CFAP61: variants seen among roughly 807,000 people sequenced by gnomAD.
The protein encoded by CFAP61 is cilia and flagella associated protein 61.
In CFAP61, 107 loss-of-function variants were observed where a neutral mutation model predicts 135.6. The ratio of observed to expected loss-of-function variants is 0.79; its 90% CI spans 0.67 to 0.93. The LOEUF is 0.93. Ranked by LOEUF, CFAP61 falls within the 40% of genes least tolerant of loss-of-function variation. The pLI, the probability that CFAP61 is intolerant of heterozygous loss-of-function variation, is 0.00. For synonymous variants in CFAP61, 575 were observed against 578.5 expected, an observed-to-expected ratio of 0.99 and a Z score of 0.09; for missense variants, 1,507 against 1,556.2, an observed-to-expected ratio of 0.97 and a Z score of 0.53.
chr20:20,232,346 C>CT (rs11087316), intron 18 of CFAP61, among the ~76,000 whole-genome samples: 10,433 of 150,628 alleles, frequency 0.069, 389 homozygotes, highest in Middle Eastern at 0.14. Context: ...TTCCAGAATC[C>CT]TTTTTTTTTA....
chr20:20,280,986 T>C (rs552122103), intron 22 of CFAP61, among the ~76,000 whole-genome samples: 1 of 152,170 alleles, frequency 6.6e-6, no homozygotes, highest in Admixed American at 6.5e-5. Flanking sequence ...TATCTTTTCG[T>C]TTTTTTAGTA....
intron 21 of CFAP61, 33 bp downstream of exon 21, chr20:20,263,163 A>G: frequency 6.6e-7 from 1 of 1,516,592 alleles, no homozygotes; most frequent in Non-Finnish European, 9.0e-7. Context: ...ATCTCTTCAG[A>G]ATAGCGTTTT....
chr20:20,216,840 G>A (rs886856438), intron 17 of CFAP61, among the ~76,000 whole-genome samples: 6 of 151,666 alleles, frequency 4.0e-5, no homozygotes, highest in Admixed American at 2.0e-4. Flanking sequence ...CTAAGAATTA[G>A]CGGTAAAGAC....
At chr20:20,116,089 T>C (rs1351271883) in intron 8 of CFAP61, among the ~76,000 whole-genome samples, 12 of 152,200 alleles carry the variant, frequency 7.9e-5, no homozygotes, top group Admixed American at 7.9e-4. Context: ...TCCCCTTCTC[T>C]ACATTCTCAC....
At chr20:20,130,351 G>A (rs1319421781) in intron 8 of CFAP61, among the ~76,000 whole-genome samples, 1 of 151,642 alleles carries the variant, frequency 6.6e-6, no homozygotes, top group Non-Finnish European at 1.5e-5. Flanking sequence ...CTTGATCATA[G>A]AGCTCACATA....
intron 6 of CFAP61, among the ~76,000 whole-genome samples, chr20:20,078,722 G>A (rs1411943959): frequency 6.6e-6 from 1 of 151,630 alleles, no homozygotes; most frequent in African/African-American, 2.4e-5. Flanking sequence ...GAGAGGGAGA[G>A]GAATACAGAA....
chr20:20,180,550 A>G (rs1033770946), intron 13 of CFAP61, among the ~76,000 whole-genome samples: 1 of 152,148 alleles, frequency 6.6e-6, no homozygotes, highest in Non-Finnish European at 1.5e-5. Flanking sequence ...GAATGCTTAT[A>G]CTCTATTTGT....
intron 17 of CFAP61, among the ~76,000 whole-genome samples, chr20:20,225,749 C>T (rs900928780): frequency 6.6e-6 from 1 of 152,188 alleles, no homozygotes; most frequent in Non-Finnish European, 1.5e-5. Flanking sequence ...TTAACTAGAC[C>T]TGCGATTAGA....
intron 17 of CFAP61, among the ~76,000 whole-genome samples, chr20:20,202,182 C>G (rs2056656450): frequency 6.6e-6 from 1 of 152,162 alleles, no homozygotes; most frequent in Admixed American, 6.5e-5. Flanking sequence ...CCCCTGAGCC[C>G]TGGTGTATTT....
At chr20:20,187,260 C>T (rs573731491) in intron 13 of CFAP61, among the ~76,000 whole-genome samples, 3 of 152,246 alleles carry the variant, frequency 2.0e-5, no homozygotes, top group East Asian at 1.9e-4. Context: ...CAACCAATGT[C>T]GCTCCTGGCA....
At chr20:20,077,460 A>G (rs920734133) in intron 6 of CFAP61, among the ~76,000 whole-genome samples, 2 of 152,238 alleles carry the variant, frequency 1.3e-5, no homozygotes, top group African/African-American at 4.8e-5. Flanking sequence ...GACAGGTCAC[A>G]GAGATCCAGG....
At chr20:20,303,789 G>A (rs1348039739) in intron 25 of CFAP61, among the ~76,000 whole-genome samples, 2 of 152,206 alleles carry the variant, frequency 1.3e-5, no homozygotes, top group African/African-American at 4.8e-5. Flanking sequence ...ACCTACCTCA[G>A]TGCCCGCTGC....
At chr20:20,283,717 C>A (rs762516081) in intron 22 of CFAP61, among the ~76,000 whole-genome samples, 5 of 152,202 alleles carry the variant, frequency 3.3e-5, no homozygotes, top group Non-Finnish European at 2.9e-5. Context: ...CAGCTGAGGA[C>A]AGAGGTCCCC....
At chr20:20,077,317 A>T (rs1443936263) in intron 6 of CFAP61, among the ~76,000 whole-genome samples, 1 of 152,230 alleles carries the variant, frequency 6.6e-6, no homozygotes, top group African/African-American at 2.4e-5. Context: ...AGACTTAGAA[A>T]AGCATATACA....
intron 20 of CFAP61, chr20:20,253,734 T>G (rs934671044): frequency 6.5e-6 from 2 of 308,546 alleles, no homozygotes; most frequent in African/African-American, 4.4e-5. Flanking sequence ...TCTTGATATA[T>G]GCATACCCTG....
chr20:20,196,462 C>T lies in CFAP61; in HGVS notation c.1591-108C>T, dbSNP rs1301276954. 13 of 788,090 alleles carry T rather than the reference C, an allele frequency of 1.6e-5. No homozygotes were observed. In the Middle Eastern group the frequency reaches 7.7e-4, roughly 46 times the overall value. The allele number at this position is 788,090 out of a possible 1,614,324, so 48.8% of individuals were successfully genotyped here. A position where few individuals can be genotyped will look rare whatever the true frequency, so the allele number is the denominator to read the frequency against. On this transcript the variant is annotated intron_variant, in intron 15 of 26. Coordinates refer to ENST00000245957, the MANE Select transcript of CFAP61 (RefSeq NM_015585.4). ...GTGGCAAATATGGAAGAGAAAAATA[C>T]GTTTCTTACTATCATACCTAAAGTA...
At position 20,201,125 on chromosome 20, in the gene CFAP61, C is replaced by T. The variant is rs1347210249; in HGVS notation, c.1932+1223C>T. 4 of 263,206 alleles carry T rather than the reference C, an allele frequency of 1.5e-5. No individual in the cohort carries two copies. In the Admixed American group the frequency reaches 2.6e-4, roughly 17 times the overall value. 16.3% of individuals were successfully genotyped at this position (263,206 alleles called of 1,614,324 possible). ...TGTAAAAAGTGAATTCCTGGGAAAA[C>T]AAGATTAGAAAGCAAAGACAGACAA... is the stretch of plus-strand genomic sequence containing the variant. On this transcript the variant is annotated intron_variant, in intron 17 of 26. Transcript: ENST00000245957.
chr20:20,306,481 C>T (rs1273585652), intron 25 of CFAP61, among the ~76,000 whole-genome samples: 1 of 152,156 alleles, frequency 6.6e-6, no homozygotes, highest in Non-Finnish European at 1.5e-5. Context: ...GAATCTTTGC[C>T]TGAAGGATAG....
chr20:20,085,370 T>A, intron 6 of CFAP61: 1 of 1,327,386 alleles, frequency 7.5e-7, no homozygotes, highest in Non-Finnish European at 1.0e-6. Context: ...ACTTTATCAT[T>A]AGCACTCGGG....
Sources: gnomAD v4.1 joint callset for allele counts (sites outside exome capture counted in the v4.1 genomes callset) on GRCh38, gnomAD v4.1.1 for gene constraint, MANE v1.5 for transcripts, NCBI Gene and HGNC (gene_info 2026-07-23, HGNC 2026-07-21) for gene names.